The following TYW1B variants were observed in gnomAD, a reference collection of about 807,000 sequenced individuals.
TYW1B encodes the protein tRNA-yW synthesizing protein 1 homolog B.
In TYW1B, 73 loss-of-function variants were observed where a neutral mutation model predicts 86.9. That is an observed-to-expected ratio of 0.84 (90% CI 0.70 to 1.02). The LOEUF (loss-of-function observed/expected upper bound fraction) is 1.02. Ranked by LOEUF, TYW1B falls within the 50% of genes least tolerant of loss-of-function variation. TYW1B has a pLI of 0.00. For synonymous variants in TYW1B, 248 were observed against 292.8 expected (o/e 0.85, Z 1.56); for missense variants, 637 against 827.4 (o/e 0.77, Z 2.82).
At chr7:72,713,566 C>T (rs1786718573) in intron 10 of TYW1B, 55 bp downstream of exon 10, 4 of 1,483,530 alleles carry the variant, frequency 2.7e-6, no homozygotes, top group Non-Finnish European at 9.0e-7. Flanking sequence ...ATTAGTTTTA[C>T]TTTGCAGTGA....
At chr7:72,743,106 T>C (rs1308611119) in intron 8 of TYW1B, among the ~76,000 whole-genome samples, 5 of 152,134 alleles carry the variant, frequency 3.3e-5, no homozygotes, top group African/African-American at 1.2e-4. Context: ...AGAGAAGATA[T>C]GCAACAGGAA....
At chr7:72,753,480 ATT>A (rs11359200) in intron 7 of TYW1B, among the ~76,000 whole-genome samples, 9 of 138,576 alleles carry the variant, frequency 6.5e-5, no homozygotes, top group East Asian at 2.1e-4. Context: ...ATCATTAGCA[ATT>A]TTTTTTTTTT....
intron 3 of TYW1B, among the ~76,000 whole-genome samples, chr7:72,810,971 T>C (rs1788599930): frequency 6.6e-6 from 1 of 151,908 alleles, no homozygotes; most frequent in Admixed American, 6.6e-5. Context: ...AAAATCCAAA[T>C]CAATCAAGAA....
intron 6 of TYW1B, among the ~76,000 whole-genome samples, chr7:72,801,834 C>T (rs1554475648): frequency 1.3e-5 from 2 of 152,072 alleles, no homozygotes; most frequent in African/African-American, 4.8e-5. Context: ...AGCCCCAACA[C>T]CACTTAGTCT....
chr7:72,657,243 GT>G (rs1813225905), intron 11 of TYW1B, among the ~76,000 whole-genome samples: 1 of 152,076 alleles, frequency 6.6e-6, no homozygotes, highest in Non-Finnish European at 1.5e-5. Flanking sequence ...CGAGATTAGA[GT>G]GGAAGAAAGA....
chr7:72,665,301 C>T (rs1382944764), intron 11 of TYW1B, among the ~76,000 whole-genome samples: 1 of 152,192 alleles, frequency 6.6e-6, no homozygotes, highest in Non-Finnish European at 1.5e-5. Context: ...CATTATGAAC[C>T]ATGAAGTAAA....
At chr7:72,816,846 A>T (rs555001329) in intron 2 of TYW1B, among the ~76,000 whole-genome samples, 1 of 152,190 alleles carries the variant, frequency 6.6e-6, no homozygotes, top group South Asian at 2.1e-4. Flanking sequence ...AACGGCCTGG[A>T]AGCCCTGCTC....
chr7:72,814,571 G>A (rs1198207863), intron 3 of TYW1B, among the ~76,000 whole-genome samples: 1 of 151,462 alleles, frequency 6.6e-6, no homozygotes, highest in Admixed American at 6.6e-5. Context: ...GTGACAGAGC[G>A]AGACTCCGTC....
At chr7:72,801,063 T>C (rs554908496) in intron 6 of TYW1B, among the ~76,000 whole-genome samples, 3 of 152,274 alleles carry the variant, frequency 2.0e-5, no homozygotes, top group African/African-American at 7.2e-5. Context: ...GTGTGGTAAC[T>C]CATGTGTGTA....
At chr7:72,580,553 G>C (rs1811129388) in intron 13 of TYW1B, among the ~76,000 whole-genome samples, 1 of 152,120 alleles carries the variant, frequency 6.6e-6, no homozygotes, top group Non-Finnish European at 1.5e-5. Context: ...AGGGTCTGTG[G>C]CCTTGCTGGC....
intron 6 of TYW1B, among the ~76,000 whole-genome samples, chr7:72,790,818 A>G (rs1788206547): frequency 6.6e-6 from 1 of 152,194 alleles, no homozygotes; most frequent in Admixed American, 6.5e-5. Context: ...TTCCAGCACG[A>G]CCAAGGGAGC....
chr7:72,613,710 C>T (rs1479096964), intron 13 of TYW1B, among the ~76,000 whole-genome samples: 1 of 151,894 alleles, frequency 6.6e-6, no homozygotes. Flanking sequence ...CTGCGCCGGG[C>T]CCATATTTTC....
chr7:72,802,145 C>T lies in TYW1B; in HGVS notation c.846+255G>A, dbSNP rs1476315391. On this transcript the variant is annotated intron_variant, in intron 6 of 13. Coordinates refer to ENST00000620995, the MANE Select transcript of TYW1B (RefSeq NM_001145440.3). ...CCACGAAAGCCAAAAGATTGGACAC[C>T]CCCGATCTACAATGTCCTCAGTCCT... 5.3e-5 allele frequency among the ~76,000 whole-genome samples: 8 copies of T among 152,098 alleles called. 1 individual carries two copies. Among genetic ancestry groups the T allele is most frequent in the South Asian group, 2.1e-4 (1 of 4,820 alleles).
In TYW1B at chr7:72,665,130, G is replaced by T. The variant is rs372412593; in HGVS notation, c.1506+29557C>A. On this transcript the variant is annotated intron_variant, in intron 11 of 13. Transcript: ENST00000620995. The stretch of plus-strand genomic sequence containing the variant: ...CTATTTCCCAGTCTCCCTCTAGCAA[G>T]GGGTGGCTAAGACACCTAGTTCTGT... Among the ~76,000 whole-genome samples the T allele has an allele frequency of 1.5e-4, 23 of 152,306 alleles. No homozygotes were observed. The South Asian group carries it at 4.8e-3, about 32-fold the overall frequency.
intron 11 of TYW1B, among the ~76,000 whole-genome samples, chr7:72,660,209 A>T (rs1813296798): frequency 6.6e-6 from 1 of 152,094 alleles, no homozygotes; most frequent in Admixed American, 6.6e-5. Flanking sequence ...TCTCTACTAA[A>T]ATTAAATTTT....
chr7:72,608,197 G>A (rs1230020732), intron 13 of TYW1B, among the ~76,000 whole-genome samples: 1 of 152,342 alleles, frequency 6.6e-6, no homozygotes, highest in Non-Finnish European at 1.5e-5. Flanking sequence ...TCTTCAAACA[G>A]ATGGGGAAGA....
chr7:72,672,735 G>A (rs142325711), intron 11 of TYW1B, among the ~76,000 whole-genome samples: 1 of 152,072 alleles, frequency 6.6e-6, no homozygotes, highest in African/African-American at 2.4e-5. Flanking sequence ...ATCCTCTGCA[G>A]ATACTGAGAG....
chr7:72,613,358 A>G (rs1735018127), intron 13 of TYW1B, among the ~76,000 whole-genome samples: 1 of 150,276 alleles, frequency 6.7e-6, no homozygotes, highest in African/African-American at 2.5e-5. Context: ...CAAACCTCAA[A>G]TATTTACTTT....
intron 11 of TYW1B, among the ~76,000 whole-genome samples, chr7:72,678,995 G>A (rs1554447936): frequency 1.3e-5 from 2 of 152,092 alleles, no homozygotes. Flanking sequence ...TGAGCTTCTT[G>A]GGGGACTGAG....
Sources: gnomAD v4.1 joint callset for allele counts (sites outside exome capture counted in the v4.1 genomes callset) on GRCh38, gnomAD v4.1.1 for gene constraint, MANE v1.5 for transcripts, NCBI Gene and HGNC (gene_info 2026-07-23, HGNC 2026-07-21) for gene names.